ATP8A2: variants seen among roughly 807,000 people sequenced by gnomAD.
ATP8A2 encodes the protein phospholipid-transporting ATPase IB.
ATP8A2 carries 100 observed loss-of-function variants against 165.6 expected under a neutral mutation model. The observed-to-expected ratio is 0.60, with a 90% CI of 0.51 to 0.71. The LOEUF (loss-of-function observed/expected upper bound fraction) is 0.71. ATP8A2 is among the 30% of genes least tolerant of loss of function. The probability of loss-of-function intolerance (pLI) is 0.00; values close to 1 mark genes in which losing one functional copy is unlikely to be tolerated. For synonymous variants in ATP8A2, 543 were observed against 548.8 expected, an observed-to-expected ratio of 0.99 and a Z score of 0.15; for missense variants, 1,227 against 1,479.5, an observed-to-expected ratio of 0.83 and a Z score of 2.80.
intron 16 of ATP8A2, among the ~76,000 whole-genome samples, chr13:25,565,008 A>T (rs576755774): frequency 1.3e-5 from 2 of 152,068 alleles, no homozygotes; most frequent in Non-Finnish European, 2.9e-5. Context: ...ATAGTCTCCA[A>T]TCTCATCCAG....
intron 33 of ATP8A2, among the ~76,000 whole-genome samples, chr13:25,932,178 A>T (rs1954786157): frequency 6.6e-6 from 1 of 152,176 alleles, no homozygotes; most frequent in Non-Finnish European, 1.5e-5. Context: ...GAAGCACGTC[A>T]GCTTAGCTGG....
chr13:25,633,979 A>T (rs1458286084), intron 24 of ATP8A2, among the ~76,000 whole-genome samples: 3 of 152,006 alleles, frequency 2.0e-5, no homozygotes, highest in African/African-American at 7.2e-5. Context: ...CTGTCTCAAA[A>T]AAAAAAAAAA....
At chr13:25,591,992 A>G (rs568564965) in intron 24 of ATP8A2, among the ~76,000 whole-genome samples, 27 of 146,426 alleles carry the variant, frequency 1.8e-4, no homozygotes, top group African/African-American at 6.0e-4. Flanking sequence ...ATCGTTTTAT[A>G]TGGTTTGTGA....
intron 33 of ATP8A2, among the ~76,000 whole-genome samples, chr13:25,922,143 C>A (rs529455639): frequency 1.3e-5 from 2 of 152,308 alleles, no homozygotes; most frequent in East Asian, 3.9e-4. Context: ...AATAAAAGTT[C>A]TCCTTACCCT....
intron 1 of ATP8A2, among the ~76,000 whole-genome samples, chr13:25,419,771 G>C (rs2034245241): frequency 6.6e-6 from 1 of 152,168 alleles, no homozygotes; most frequent in Non-Finnish European, 1.5e-5. Flanking sequence ...TTAGGAAACA[G>C]CAAGTGTGAG....
At chr13:25,782,229 A>T (rs1566133010) in intron 27 of ATP8A2, among the ~76,000 whole-genome samples, 2 of 152,248 alleles carry the variant, frequency 1.3e-5, no homozygotes, top group Non-Finnish European at 2.9e-5. Context: ...TGGCAGAGTT[A>T]GCTTTATGTT....
At chr13:25,881,379 TG>T (rs1952973637) in intron 33 of ATP8A2, among the ~76,000 whole-genome samples, 2 of 152,218 alleles carry the variant, frequency 1.3e-5, no homozygotes, top group Non-Finnish European at 2.9e-5. Flanking sequence ...ACATCCATGC[TG>T]AAGTTTCTCA....
In ATP8A2 at chr13:25,896,301, A is replaced by G. The variant is rs563355486; in HGVS notation, c.3183+33893A>G. Among the ~76,000 whole-genome samples, 19 of 152,292 alleles carry G rather than the reference A, an allele frequency of 1.2e-4. No homozygotes were observed. In the East Asian group the frequency reaches 3.3e-3, roughly 26 times the overall value. On this transcript the variant is annotated intron_variant, in intron 33 of 36. Coordinates refer to ENST00000381655, the MANE Select transcript of ATP8A2 (RefSeq NM_016529.6). ...TCATTTCGTTATGTACCCAGTAGTC[A>G]TTCAGGAGCAGGTTGTTCAGTTTCC... is the stretch of plus-strand genomic sequence containing the variant.
intron 10 of ATP8A2, among the ~76,000 whole-genome samples, chr13:25,544,910 GTTT>G (rs5802339): frequency 2.2e-5 from 3 of 136,130 alleles, no homozygotes; most frequent in Admixed American, 7.4e-5. Flanking sequence ...TTATGAGTGA[GTTT>G]TTTTTTTTTT....
At chr13:25,790,844 C>A (rs1054461564) in intron 27 of ATP8A2, among the ~76,000 whole-genome samples, 8 of 152,112 alleles carry the variant, frequency 5.3e-5, no homozygotes, top group Admixed American at 2.6e-4. Flanking sequence ...CCATCTGACA[C>A]CAGTCAGAAT....
intron 2 of ATP8A2, among the ~76,000 whole-genome samples, chr13:25,512,814 C>A (rs1457073631): frequency 7.5e-6 from 1 of 133,794 alleles, no homozygotes; most frequent in Admixed American, 7.3e-5. Context: ...CCGTACGGGG[C>A]GGCTGGCCGG....
Position 25,372,318 on chromosome 13 carries a change from G to A in ATP8A2, c.76+30G>A. On this transcript the variant is annotated intron_variant, in intron 1 of 36. Coordinates refer to ENST00000381655, the MANE Select transcript of ATP8A2 (RefSeq NM_016529.6). The surrounding 1 kb of genome is among the most constrained non-coding windows in gnomAD (Gnocchi z 4.8). ...GCTGGGAGGGGCGCGGCGAGGGAGG[G>A]TGGGCCCGGGGCGGGGGCGGCGCGG... The A allele has an allele frequency of 2.8e-6, 4 of 1,424,762 alleles. No homozygotes were observed. Among genetic ancestry groups the A allele is most frequent in the South Asian group, 1.3e-5 (1 of 74,316 alleles). 88.3% of individuals were successfully genotyped at this position (1,424,762 alleles called of 1,614,324 possible).
At position 25,766,841 on chromosome 13, in the gene ATP8A2, A is replaced by G. The variant is rs8002134; in HGVS notation, c.2385-2205A>G. On this transcript the variant is annotated intron_variant, in intron 25 of 36. Coordinates refer to ENST00000381655, the MANE Select transcript of ATP8A2 (RefSeq NM_016529.6). Reference sequence around the variant, plus strand: ...GTTTTTCCAACAGTTAAGATGTTTCACATAATCCTATGCTAGGTGGAGTGT... The same window carrying G: ...GTTTTTCCAACAGTTAAGATGTTTCGCATAATCCTATGCTAGGTGGAGTGT... Among the ~76,000 whole-genome samples, 1,497 of 152,332 alleles carry G rather than the reference A, an allele frequency of 9.8e-3. 24 individuals carry two copies. The highest frequency in any genetic ancestry group is 0.034 in the African/African-American group (1,416 of 41,568).
At chr13:25,923,433 T>TTTCCTTA (rs1401555763) in intron 33 of ATP8A2, among the ~76,000 whole-genome samples, 1 of 152,168 alleles carries the variant, frequency 6.6e-6, no homozygotes, top group Non-Finnish European at 1.5e-5. Context: ...AACGCACAGG[T>TTTCCTTA]TGTGAAATCC....
chr13:25,482,002 A>G (rs2036219894), intron 2 of ATP8A2, among the ~76,000 whole-genome samples: 1 of 152,166 alleles, frequency 6.6e-6, no homozygotes, highest in Admixed American at 6.5e-5. Context: ...TTCAGTCCAT[A>G]GCACCACCCA....
At position 26,020,494 on chromosome 13, in the gene ATP8A2, A is replaced by G. The variant is rs1412056092; in HGVS notation, c.*509A>G. 1.3e-5 allele frequency: 2 copies of G among 153,152 alleles called. No homozygotes were observed. Among genetic ancestry groups the G allele is most frequent in the African/African-American group, 4.8e-5 (2 of 41,484 alleles). The allele number at this position is 153,152 out of a possible 1,614,324, so 9.5% of individuals were successfully genotyped here. On this transcript the variant is annotated 3_prime_UTR_variant, in exon 37 of 37. Coordinates refer to ENST00000381655, the MANE Select transcript of ATP8A2 (RefSeq NM_016529.6). The stretch of plus-strand genomic sequence containing the variant: ...TTCCTGTTTTGTGTGTAAAATTGGC[A>G]TAAACTTCTTGATTGCAGTGAAATC...
At position 25,791,542 on chromosome 13, in the gene ATP8A2, T is replaced by TACACACACACACACACACACAC. The variant is rs55661899; in HGVS notation, c.2679+16596_2679+16617dup. 1.3e-3 allele frequency among the ~76,000 whole-genome samples: 186 copies of TACACACACACACACACACACAC among 143,048 alleles called. 3 individuals carry two copies. The highest frequency in any genetic ancestry group is 4.6e-3 in the African/African-American group (176 of 38,264). 93.8% of individuals were successfully genotyped at this position (143,048 alleles called of 152,430 possible). ...CCCCGAACTTAAACACACACACACA[T>TACACACACACACACACACACAC]ACACACACACACACACACACACACA... On this transcript the variant is annotated intron_variant, in intron 27 of 36. Transcript: ENST00000381655.
At chr13:25,414,309 G>C (rs1423904014) in intron 1 of ATP8A2, among the ~76,000 whole-genome samples, 1 of 150,358 alleles carries the variant, frequency 6.7e-6, no homozygotes, top group African/African-American at 2.5e-5. Flanking sequence ...TCCTGCCCCA[G>C]CCTCCCGAGC....
chr13:25,404,668 G>A (rs1593262277), intron 1 of ATP8A2, among the ~76,000 whole-genome samples: 1 of 152,096 alleles, frequency 6.6e-6, no homozygotes, highest in East Asian at 1.9e-4. Flanking sequence ...AACTGGGTGG[G>A]TGCAGAACGC....
Sources: allele counts gnomAD v4.1 joint callset (sites outside exome capture counted in the v4.1 genomes callset), GRCh38; gene constraint gnomAD v4.1.1; non-coding constraint Gnocchi (gnomAD v3.1); transcripts MANE v1.5; gene names NCBI Gene and HGNC (gene_info 2026-07-23, HGNC 2026-07-21).